Variants in PTPRO observed in about 807,000 individuals in gnomAD.
PTPRO encodes protein tyrosine phosphatase receptor type O.
Under a neutral mutation model 145.2 loss-of-function variants are expected in PTPRO, and 62 were observed. The ratio of observed to expected loss-of-function variants is 0.43; its 90% CI spans 0.35 to 0.53. The LOEUF is 0.53. Ranked by LOEUF, PTPRO falls within the 20% of genes least tolerant of loss-of-function variation. The pLI, the probability that PTPRO is intolerant of heterozygous loss-of-function variation, is 0.01. For synonymous variants in PTPRO, 565 were observed against 514.7 expected (o/e 1.10, Z -1.32); for missense variants, 1,345 against 1,482.7 (o/e 0.91, Z 1.53).
chr12:15,550,568 G>A (rs1025347598), intron 14 of PTPRO, among the ~76,000 whole-genome samples: 17 of 152,166 alleles, frequency 1.1e-4, no homozygotes, highest in African/African-American at 4.1e-4. Flanking sequence ...GGAAAATGAG[G>A]CCCATAGGGC....
intron 1 of PTPRO, among the ~76,000 whole-genome samples, chr12:15,350,219 G>GCTCAGCCTA (rs1489194550): frequency 1.3e-5 from 2 of 152,132 alleles, no homozygotes; most frequent in African/African-American, 4.8e-5. Flanking sequence ...TGAAAAGATG[G>GCTCAGCCTA]CTCAGCCTAA....
At chr12:15,587,189 G>A (rs1473224148) in intron 24 of PTPRO, 138 bp downstream of exon 24, 2 of 928,756 alleles carry the variant, frequency 2.2e-6, no homozygotes, top group African/African-American at 1.6e-5. Flanking sequence ...ATGATTAATT[G>A]ATGTCTCACT....
intron 14 of PTPRO, 32 bp from the exon 15 acceptor site, chr12:15,551,519 C>A: frequency 6.2e-7 from 1 of 1,610,520 alleles, no homozygotes; most frequent in Non-Finnish European, 8.5e-7. Flanking sequence ...GTAAGAGAAC[C>A]TATGATGAAA....
At chr12:15,558,916 A>G (rs866521330) in intron 16 of PTPRO, among the ~76,000 whole-genome samples, 1 of 152,178 alleles carries the variant, frequency 6.6e-6, no homozygotes, top group Non-Finnish European at 1.5e-5. Flanking sequence ...AAACAACCCA[A>G]CTGTGAAGAA....
intron 1 of PTPRO, among the ~76,000 whole-genome samples, chr12:15,438,866 GATACTATGCAAAACAA>G (rs1432049620): frequency 6.6e-6 from 1 of 152,170 alleles, no homozygotes; most frequent in Non-Finnish European, 1.5e-5. Context: ...ATACCTGTGA[GATACTATGCAAAACAA>G]ATATCAAGCC....
intron 1 of PTPRO, among the ~76,000 whole-genome samples, chr12:15,333,159 A>G (rs529489839): frequency 3.9e-5 from 6 of 152,340 alleles, no homozygotes; most frequent in South Asian, 4.1e-4. Context: ...TGCATGGCAC[A>G]TAGTAAGCAT....
chr12:15,586,004 C>T (rs543129527), intron 23 of PTPRO, among the ~76,000 whole-genome samples: 7 of 152,260 alleles, frequency 4.6e-5, no homozygotes, highest in South Asian at 2.1e-4. Context: ...TACAATTGCA[C>T]GGAGCTGGAT....
chr12:15,342,903 A>G (rs531195978), intron 1 of PTPRO, among the ~76,000 whole-genome samples: 5 of 152,318 alleles, frequency 3.3e-5, no homozygotes, highest in African/African-American at 1.2e-4. Flanking sequence ...CCAATTATTC[A>G]GGTATGTGTA....
intron 1 of PTPRO, among the ~76,000 whole-genome samples, chr12:15,467,836 T>C (rs1368004527): frequency 1.3e-5 from 2 of 152,210 alleles, no homozygotes; most frequent in Non-Finnish European, 2.9e-5. Context: ...ACAAGTTCCA[T>C]GGATGATCCA....
At chr12:15,554,748 T>C (rs1943573566) in intron 15 of PTPRO, among the ~76,000 whole-genome samples, 1 of 152,162 alleles carries the variant, frequency 6.6e-6, no homozygotes, top group Admixed American at 6.5e-5. Flanking sequence ...CTGACTCATA[T>C]GTTAATCTCC....
chr12:15,449,250 G>C (rs967198080), intron 1 of PTPRO, among the ~76,000 whole-genome samples: 1 of 152,354 alleles, frequency 6.6e-6, no homozygotes, highest in Admixed American at 6.5e-5. Flanking sequence ...AGTGGCTGAA[G>C]TATGGCCACT....
chr12:15,534,225 C>T (rs908889795), intron 12 of PTPRO, among the ~76,000 whole-genome samples: 6 of 151,830 alleles, frequency 4.0e-5, no homozygotes, highest in Non-Finnish European at 8.8e-5. Flanking sequence ...AACCTGGATC[C>T]CTGGGCCAAC....
chr12:15,520,133 TA>T, intron 9 of PTPRO, 67 bp from the exon 10 acceptor site: 1 of 1,010,992 alleles, frequency 9.9e-7, no homozygotes, highest in Non-Finnish European at 1.6e-6. Flanking sequence ...TTTATGAAAG[TA>T]AGTCTACTCC....
At chr12:15,382,828 T>A (rs774634722) in intron 1 of PTPRO, among the ~76,000 whole-genome samples, 3 of 152,204 alleles carry the variant, frequency 2.0e-5, no homozygotes, top group Admixed American at 6.5e-5. Flanking sequence ...TTTTTAGAAT[T>A]GTATTTTTAA....
rs557649752 is a variant in PTPRO at position 15,326,815 on chromosome 12, TAC to T, written c.75+4018_75+4019del. ...TTTCCCCTAATTTAATGCCTCTCCG[TAC>T]ACAGTTTCAGTGATGTTGCATTTTC... is the stretch of plus-strand genomic sequence containing the variant. On this transcript the variant is annotated intron_variant, in intron 1 of 26. Coordinates refer to ENST00000281171, the MANE Select transcript of PTPRO (RefSeq NM_030667.3). Among the ~76,000 whole-genome samples the T allele has an allele frequency of 2.6e-3, 397 of 152,346 alleles. 2 individuals are homozygous for T. Among genetic ancestry groups the T allele is most frequent in the African/African-American group, 9.0e-3 (375 of 41,580 alleles).
intron 1 of PTPRO, among the ~76,000 whole-genome samples, chr12:15,408,914 CAA>C (rs1462351559): frequency 6.6e-6 from 1 of 152,052 alleles, no homozygotes; most frequent in Non-Finnish European, 1.5e-5. Context: ...TTATAAACCT[CAA>C]GAGATAATGA....
intron 1 of PTPRO, among the ~76,000 whole-genome samples, chr12:15,362,959 T>G (rs1938254407): frequency 6.6e-6 from 1 of 152,222 alleles, no homozygotes; most frequent in Non-Finnish European, 1.5e-5. Flanking sequence ...TGAAATATTT[T>G]TAAACATTAT....
rs1942222963 is a variant in PTPRO at position 15,501,625 on chromosome 12, T to C, written c.667T>C (p.Tyr223His). 3 of 1,612,768 alleles carry C rather than the reference T, an allele frequency of 1.9e-6. No individual in the cohort carries two copies. Among genetic ancestry groups the C allele is most frequent in the Non-Finnish European group, 2.5e-6 (3 of 1,178,856 alleles). Residue 223 changes from tyrosine to histidine, a missense_variant, in exon 5 of 27, where the codon TAT becomes CAT. Transcript: ENST00000281171. ...HEPKQHRTAP[Y>H]PPQNISVRIV... ...GAAAATTCTCTCTCTTACAGCCCCT[T>C]ATCCACCTCAAAATATTTCCGTTCG...
At chr12:15,576,767 A>G (rs1404531743) in intron 19 of PTPRO, among the ~76,000 whole-genome samples, 9 of 152,272 alleles carry the variant, frequency 5.9e-5, no homozygotes, top group African/African-American at 2.2e-4. Flanking sequence ...TACTAGCCTT[A>G]TCTTACAGGT....
Sources: allele counts gnomAD v4.1 joint callset (sites outside exome capture counted in the v4.1 genomes callset), GRCh38; gene constraint gnomAD v4.1.1; transcripts MANE v1.5; gene names NCBI Gene and HGNC (gene_info 2026-07-23, HGNC 2026-07-21).